Variants in CHL1 observed in about 807,000 individuals in gnomAD.
The protein encoded by CHL1 is cell adhesion molecule L1 like.
In CHL1, 96 loss-of-function variants were observed where a neutral mutation model predicts 141.9. The observed-to-expected ratio is 0.68, with a 90% CI of 0.57 to 0.80. CHL1 has a LOEUF of 0.80. Among genes scored for constraint, CHL1 ranks in the 30% least tolerant of loss-of-function variants. The pLI is 0.00. For missense variants in CHL1, 1,820 were observed against 1,457.2 expected, an observed-to-expected ratio of 1.25 and a Z score of -4.05; for synonymous variants, 613 against 502.2, an observed-to-expected ratio of 1.22 and a Z score of -2.95.
At chr3:282,144 G>T (rs1909382) in intron 2 of CHL1, among the ~76,000 whole-genome samples, 82,717 of 151,894 alleles carry the variant, frequency 0.54, 25,205 homozygotes, top group African/African-American at 0.83. Context: ...TTTTGTTGTA[G>T]CTTTAAAACT....
chr3:293,899 T>C (rs452113), intron 2 of CHL1, among the ~76,000 whole-genome samples: 4 of 151,566 alleles, frequency 2.6e-5, no homozygotes, highest in Non-Finnish European at 5.9e-5. Context: ...GTAGCTGGGA[T>C]TACAGGCAGT....
chr3:198,178 G>A, intron 1 of CHL1: 9 of 191,554 alleles, frequency 4.7e-5, no homozygotes, highest in South Asian at 8.0e-5. Context: ...GGAAGGGGTG[G>A]GAGGCCGGCG....
chr3:220,372 G>A (rs1184366360), intron 1 of CHL1, among the ~76,000 whole-genome samples: 1 of 152,174 alleles, frequency 6.6e-6, no homozygotes, highest in Non-Finnish European at 1.5e-5. Context: ...AGGAGGCTGA[G>A]GTGGAAGGAT....
intron 4 of CHL1, among the ~76,000 whole-genome samples, chr3:327,555 A>G (rs900189251): frequency 2.6e-5 from 4 of 152,034 alleles, no homozygotes; most frequent in African/African-American, 9.7e-5. Context: ...GAATAAATAT[A>G]TAGGGTTGTT....
chr3:270,209 A>C (rs1212237942), intron 2 of CHL1, among the ~76,000 whole-genome samples: 1 of 150,612 alleles, frequency 6.6e-6, no homozygotes, highest in East Asian at 1.9e-4. Flanking sequence ...TCAAATGCAT[A>C]AAGGCATGGG....
At chr3:276,704 A>ACG (rs1696147327) in intron 2 of CHL1, among the ~76,000 whole-genome samples, 1 of 151,670 alleles carries the variant, frequency 6.6e-6, no homozygotes, top group Non-Finnish European at 1.5e-5. Flanking sequence ...CCTGGCTAAC[A>ACG]GGGTGAAATC....
chr3:216,114 T>C (rs1233749026), intron 1 of CHL1, among the ~76,000 whole-genome samples: 2 of 152,040 alleles, frequency 1.3e-5, no homozygotes, highest in African/African-American at 2.4e-5. Flanking sequence ...AAACAAAAAT[T>C]GATGTGTAAA....
intron 2 of CHL1, among the ~76,000 whole-genome samples, chr3:317,388 G>T (rs1397481645): frequency 1.3e-5 from 2 of 151,938 alleles, no homozygotes; most frequent in African/African-American, 4.8e-5. Context: ...CACTTATTTG[G>T]CTATCTAGTT....
chr3:258,988 C>CA (rs1294854769), intron 2 of CHL1, among the ~76,000 whole-genome samples: 1 of 145,272 alleles, frequency 6.9e-6, no homozygotes, highest in African/African-American at 2.6e-5. Context: ...GGCTGGAGTG[C>CA]AGTGGCTTGA....
At chr3:401,599 T>G (rs1709141938) in intron 26 of CHL1, 27 bp from the exon 27 acceptor site, 5 of 1,388,772 alleles carry the variant, frequency 3.6e-6, no homozygotes, top group Non-Finnish European at 5.1e-6. Context: ...ACTGTATTAC[T>G]TTTCCCACTT....
At chr3:266,868 A>G (rs1351481526) in intron 2 of CHL1, among the ~76,000 whole-genome samples, 2 of 152,184 alleles carry the variant, frequency 1.3e-5, no homozygotes, top group Non-Finnish European at 2.9e-5. Flanking sequence ...ACAATAGTTA[A>G]TAAGAGCTGG....
chr3:205,349 G>T (rs1220396360), intron 1 of CHL1, among the ~76,000 whole-genome samples: 1 of 151,998 alleles, frequency 6.6e-6, no homozygotes, highest in Non-Finnish European at 1.5e-5. Context: ...CCTGGCCTTA[G>T]GTGATTCTCC....
At chr3:399,254 T>C (rs1708919781) in intron 26 of CHL1, 106 bp downstream of exon 26, 2 of 832,358 alleles carry the variant, frequency 2.4e-6, no homozygotes, top group Admixed American at 4.1e-5. Context: ...GTCAAATTTA[T>C]ATTAGCAAGT....
intron 15 of CHL1, among the ~76,000 whole-genome samples, chr3:368,560 A>G (rs951820955): frequency 6.6e-6 from 1 of 152,094 alleles, no homozygotes; most frequent in African/African-American, 2.4e-5. Flanking sequence ...CGCTCTGATG[A>G]TAGTTTCTTT....
At chr3:401,960 G>T (rs1474133696) in intron 27 of CHL1, among the ~76,000 whole-genome samples, 1 of 152,164 alleles carries the variant, frequency 6.6e-6, no homozygotes, top group Non-Finnish European at 1.5e-5. Context: ...CTAACACAAA[G>T]AATATCTATT....
At chr3:263,789 G>A (rs1694932899) in intron 2 of CHL1, among the ~76,000 whole-genome samples, 1 of 152,082 alleles carries the variant, frequency 6.6e-6, no homozygotes. Flanking sequence ...ATTGGCCTAG[G>A]GAATGTTGAA....
intron 1 of CHL1, among the ~76,000 whole-genome samples, chr3:230,813 C>G (rs894406411): frequency 6.6e-6 from 1 of 152,046 alleles, no homozygotes; most frequent in African/African-American, 2.4e-5. Flanking sequence ...TTTTATTTCT[C>G]TAAATTAAGG....
At chr3:247,568 A>G (rs1025161301) in intron 2 of CHL1, 2 of 152,136 alleles carry the variant, frequency 1.3e-5, no homozygotes, top group Non-Finnish European at 2.9e-5. Context: ...TTTTCCTGAT[A>G]GATCACTTTC....
rs548972800 is a variant in CHL1, at chr3:217,329, G to A, written c.-175+20266G>A. 1.1e-4 allele frequency among the ~76,000 whole-genome samples: 17 copies of A among 152,118 alleles called. No homozygotes were observed. The East Asian group carries it at 1.7e-3, about 16-fold the overall frequency. On this transcript the variant is annotated intron_variant, in intron 1 of 27. Coordinates refer to ENST00000256509, the MANE Select transcript of CHL1 (RefSeq NM_006614.4). The stretch of plus-strand genomic sequence containing the variant: ...AGAAGCCATTGGTTCATTTATTCAT[G>A]CATCAAATATTTATTGAGCTGCGAA...
Sources: gnomAD v4.1 joint callset for allele counts (sites outside exome capture counted in the v4.1 genomes callset) on GRCh38, gnomAD v4.1.1 for gene constraint, MANE v1.5 for transcripts, NCBI Gene and HGNC (gene_info 2026-07-23, HGNC 2026-07-21) for gene names.